FSTL5: variants seen among roughly 807,000 people sequenced by gnomAD.
The protein encoded by FSTL5 is follistatin-related protein 5.
FSTL5 carries 62 observed loss-of-function variants against 89.1 expected under a neutral mutation model. That is an observed-to-expected ratio of 0.70 (90% CI 0.57 to 0.86). The LOEUF (loss-of-function observed/expected upper bound fraction) is 0.86. Among genes scored for constraint, FSTL5 ranks in the 40% least tolerant of loss-of-function variants. FSTL5 has a pLI of 0.00. For missense variants in FSTL5, 1,057 were observed against 1,001.6 expected (o/e 1.06, Z -0.75); for synonymous variants, 383 against 346.2 (o/e 1.11, Z -1.18).
intron 15 of FSTL5, chr4:161,386,690 AGCAATACATC>A (rs1042471184): frequency 6.1e-5 from 28 of 455,852 alleles, no homozygotes; most frequent in African/African-American, 5.1e-4. Context: ...AATAATTAAA[AGCAATACATC>A]TAGTTAATTG....
At chr4:161,533,895 T>C (rs1356982989) in intron 10 of FSTL5, among the ~76,000 whole-genome samples, 2 of 152,036 alleles carry the variant, frequency 1.3e-5, no homozygotes, top group African/African-American at 2.4e-5. Flanking sequence ...TGATCAAGTA[T>C]GCTTTATTCC....
At chr4:161,410,327 A>G (rs970757322) in intron 15 of FSTL5, among the ~76,000 whole-genome samples, 1 of 152,222 alleles carries the variant, frequency 6.6e-6, no homozygotes, top group Non-Finnish European at 1.5e-5. Context: ...CACCAAGGCA[A>G]GAAACTTAAA....
At position 161,680,137 on chromosome 4, in the gene FSTL5, A is replaced by T. The variant is rs4691021; in HGVS notation, c.728-23643T>A. ...TTTAAATATGTTTGTTTACATAATTATTTGTTTATAGAAGAAAATAATATG... is the reference window on the plus strand; with the variant it reads ...TTTAAATATGTTTGTTTACATAATTTTTTGTTTATAGAAGAAAATAATATG... On this transcript the variant is annotated intron_variant, in intron 6 of 15. Coordinates refer to ENST00000306100, the MANE Select transcript of FSTL5 (RefSeq NM_020116.5). 5.9e-3 allele frequency among the ~76,000 whole-genome samples: 903 copies of T among 152,046 alleles called. 9 individuals carry two copies. Among genetic ancestry groups the T allele is most frequent in the South Asian group, 0.045 (218 of 4,824 alleles).
chr4:161,660,404 G>A (rs1261504398), intron 6 of FSTL5, among the ~76,000 whole-genome samples: 1 of 152,026 alleles, frequency 6.6e-6, no homozygotes, highest in Non-Finnish European at 1.5e-5. Flanking sequence ...GTATTTATGA[G>A]GCATTGATTT....
chr4:161,918,650 TA>T (rs1175397567), intron 4 of FSTL5, among the ~76,000 whole-genome samples: 6 of 151,804 alleles, frequency 4.0e-5, no homozygotes, highest in African/African-American at 9.7e-5. Context: ...TATATTTATT[TA>T]TTTATTTTTT....
In FSTL5 at chr4:161,670,431, C is replaced by A. The variant is rs117611345; in HGVS notation, c.728-13937G>T. Among the ~76,000 whole-genome samples the A allele has an allele frequency of 6.0e-3, 918 of 152,264 alleles. 9 individuals are homozygous for A. Among genetic ancestry groups the A allele is most frequent in the South Asian group, 0.045 (219 of 4,824 alleles). ...AGTCGATCAAATGACACATTATTTG[C>A]TCTGTCTTTAATAAACTGAACATTT... On this transcript the variant is annotated intron_variant, in intron 6 of 15. Transcript: ENST00000306100.
At chr4:161,688,160 G>C (rs1246092898) in intron 6 of FSTL5, among the ~76,000 whole-genome samples, 1 of 152,158 alleles carries the variant, frequency 6.6e-6, no homozygotes, top group Non-Finnish European at 1.5e-5. Flanking sequence ...ACTGCTCTCT[G>C]CAACCTATAG....
intron 4 of FSTL5, among the ~76,000 whole-genome samples, chr4:161,806,021 C>T: frequency 6.6e-6 from 1 of 151,968 alleles, no homozygotes; most frequent in East Asian, 1.9e-4. Flanking sequence ...TAAACTTTGT[C>T]ATAGGTATGT....
At chr4:161,500,184 C>A (rs1453125427) in intron 11 of FSTL5, 50 bp from the exon 12 acceptor site, 1 of 1,237,442 alleles carries the variant, frequency 8.1e-7, no homozygotes. Flanking sequence ...TATCATAAAC[C>A]TTTACAACCA....
chr4:162,012,866 G>A (rs1302399869), intron 3 of FSTL5, among the ~76,000 whole-genome samples: 2 of 151,950 alleles, frequency 1.3e-5, no homozygotes, highest in African/African-American at 4.8e-5. Flanking sequence ...GAAATTTATA[G>A]CATTATGAAA....
chr4:161,488,353 TGCTTTAGGATATCAAA>T lies in FSTL5; in HGVS notation c.1459-7200_1459-7185del, dbSNP rs1729749923. ...GACACACTGTTAGGTAGCATGGTTT[TGCTTTAGGATATCAAA>T]GGTCCAAAGGCTACATTACAGAAAT... On this transcript the variant is annotated intron_variant, in intron 12 of 15. Transcript: ENST00000306100. 5.3e-5 allele frequency among the ~76,000 whole-genome samples: 8 copies of T among 152,264 alleles called. No homozygotes were observed. In the South Asian group the frequency reaches 1.7e-3, roughly 32 times the overall value.
At chr4:161,662,473 A>G in intron 6 of FSTL5, among the ~76,000 whole-genome samples, 1 of 152,320 alleles carries the variant, frequency 6.6e-6, no homozygotes, top group Non-Finnish European at 1.5e-5. Context: ...TCAAGTAGAA[A>G]TTATAAAAGT....
At chr4:161,694,842 CTTTT>C (rs34276732) in intron 6 of FSTL5, among the ~76,000 whole-genome samples, 3 of 106,200 alleles carry the variant, frequency 2.8e-5, no homozygotes, top group South Asian at 3.3e-4. Context: ...TTCTAAATGC[CTTTT>C]TTTTTTTTTT....
intron 4 of FSTL5, among the ~76,000 whole-genome samples, chr4:161,827,699 T>A (rs1730709713): frequency 6.6e-6 from 1 of 152,176 alleles, no homozygotes; most frequent in Non-Finnish European, 1.5e-5. Flanking sequence ...TTTGGCTGCT[T>A]CTGCTGTGCT....
chr4:161,433,397 A>G (rs969237460), intron 15 of FSTL5, among the ~76,000 whole-genome samples: 2 of 152,086 alleles, frequency 1.3e-5, no homozygotes, highest in Admixed American at 1.3e-4. Context: ...CTGGTTTTAG[A>G]GGGAACATAC....
chr4:161,444,452 G>A (rs936829372), intron 15 of FSTL5, among the ~76,000 whole-genome samples: 1 of 151,642 alleles, frequency 6.6e-6, no homozygotes, highest in African/African-American at 2.4e-5. Context: ...TAGTTTCCAG[G>A]CTAGGTCTGT....
At chr4:161,548,069 G>A (rs563232128) in intron 8 of FSTL5, among the ~76,000 whole-genome samples, 81 of 151,812 alleles carry the variant, frequency 5.3e-4, no homozygotes, top group African/African-American at 1.9e-3. Flanking sequence ...CATGTTCATG[G>A]TACCTTTAGT....
chr4:162,156,356 C>T (rs985556232), intron 1 of FSTL5, among the ~76,000 whole-genome samples: 2 of 152,110 alleles, frequency 1.3e-5, no homozygotes, highest in East Asian at 3.9e-4. Flanking sequence ...TAACTTAAAA[C>T]TGAAATACTA....
intron 6 of FSTL5, among the ~76,000 whole-genome samples, chr4:161,679,531 C>T (rs1737444293): frequency 6.6e-6 from 1 of 151,898 alleles, no homozygotes; most frequent in South Asian, 2.1e-4. Flanking sequence ...GTTATTCCTA[C>T]ACTATGTTGG....
Sources: allele counts gnomAD v4.1 joint callset (sites outside exome capture counted in the v4.1 genomes callset), GRCh38; gene constraint gnomAD v4.1.1; transcripts MANE v1.5; gene names NCBI Gene and HGNC (gene_info 2026-07-23, HGNC 2026-07-21).